ZNF337: variants seen among roughly 807,000 people sequenced by gnomAD.
ZNF337 encodes the protein zinc finger protein 337.
A neutral mutation model predicts 12.1 loss-of-function variants in ZNF337; 8 were observed. The ratio of observed to expected loss-of-function variants is 0.66; its 90% CI spans 0.39 to 1.19. The LOEUF (loss-of-function observed/expected upper bound fraction) is 1.19. Ranked by LOEUF, ZNF337 falls within the 50% of genes most tolerant of loss-of-function variation. The probability of loss-of-function intolerance (pLI) is 0.01; values close to 1 mark genes in which losing one functional copy is unlikely to be tolerated. For missense variants in ZNF337, 882 were observed against 896.6 expected (o/e 0.98, Z 0.21); for synonymous variants, 336 against 320.0 (o/e 1.05, Z -0.53).
chr20:25,692,398 G>C (rs1165862945), intron 1 of ZNF337, among the ~76,000 whole-genome samples: 1 of 152,136 alleles, frequency 6.6e-6, no homozygotes, highest in Non-Finnish European at 1.5e-5. Flanking sequence ...TAAATTTACA[G>C]ATAAAATGGT....
At chr20:25,693,764 C>A (rs995646405) in intron 1 of ZNF337, among the ~76,000 whole-genome samples, 2 of 152,234 alleles carry the variant, frequency 1.3e-5, no homozygotes, top group Non-Finnish European at 2.9e-5. Flanking sequence ...AGAGAAGGCA[C>A]TGCAGGAAGG....
At chr20:25,681,465 C>A (rs941019963) in intron 4 of ZNF337, among the ~76,000 whole-genome samples, 3 of 152,074 alleles carry the variant, frequency 2.0e-5, no homozygotes, top group African/African-American at 7.2e-5. Context: ...CTGTATGAAC[C>A]TGCTTTTTTT....
Position 25,676,133 on chromosome 20 carries a change from A to G in ZNF337, c.1155T>C (p.Phe385=). The change falls in exon 5 of 5, where the codon TTT becomes TTC. Residue 385 remains phenylalanine, a synonymous_variant. Coordinates refer to ENST00000252979, the MANE Select transcript of ZNF337 (RefSeq NM_015655.4). ...PFACRQCKQS[F]SVKGSLLRHQ... ...GTCTGAGGAGACTTCCTTTCACGCTAAAACTTTGCTTACACTGCCTGCACG... is the reference window on the plus strand; with the variant it reads ...GTCTGAGGAGACTTCCTTTCACGCTGAAACTTTGCTTACACTGCCTGCACG... 2 of 1,612,996 alleles carry G rather than the reference A, an allele frequency of 1.2e-6. No homozygotes were observed. The highest frequency in any genetic ancestry group is 1.7e-5 in the Admixed American group (1 of 59,948).
At chr20:25,695,383 G>A (rs1357753222) in intron 1 of ZNF337, among the ~76,000 whole-genome samples, 2 of 152,126 alleles carry the variant, frequency 1.3e-5, no homozygotes, top group Non-Finnish European at 2.9e-5. Flanking sequence ...TTTGATCTAC[G>A]CAATCCCCTT....
At position 25,676,586 on chromosome 20, in the gene ZNF337, C is replaced by T; in HGVS notation, c.702G>A (p.Lys234=). 5.0e-6 allele frequency: 8 copies of T among 1,614,172 alleles called. No homozygotes were observed. Among genetic ancestry groups the T allele is most frequent in the Middle Eastern group, 1.7e-4 (1 of 6,060 alleles). ...LLHQNTHTGE[K]SYVCSVCGRG... ...GCCCACACACACTGCACACATAGGA[C>T]TTCTCTCCTGTGTGTGTGTTCTGGT... Residue 234 remains lysine (K), a synonymous_variant, in exon 5 of 5, where the codon AAG becomes AAA. Coordinates refer to ENST00000252979, the MANE Select transcript of ZNF337 (RefSeq NM_015655.4).
intron 1 of ZNF337, among the ~76,000 whole-genome samples, chr20:25,694,177 C>T (rs548594159): frequency 2.6e-5 from 4 of 152,124 alleles, no homozygotes; most frequent in African/African-American, 7.2e-5. Flanking sequence ...CGGTTCCAGG[C>T]GTGGCACAAA....
chr20:25,689,581 G>A (rs150090396), intron 1 of ZNF337, among the ~76,000 whole-genome samples: 5 of 152,152 alleles, frequency 3.3e-5, no homozygotes, highest in Admixed American at 1.3e-4. Context: ...TCATTATACA[G>A]TTAAAAGCAG....
intron 4 of ZNF337, among the ~76,000 whole-genome samples, chr20:25,680,203 A>G (rs1370714560): frequency 6.6e-6 from 1 of 152,148 alleles, no homozygotes; most frequent in Non-Finnish European, 1.5e-5. Flanking sequence ...AGAAGAAATA[A>G]GTGTTTGATA....
intron 1 of ZNF337, among the ~76,000 whole-genome samples, chr20:25,694,851 C>A (rs2065907434): frequency 1.3e-5 from 2 of 152,198 alleles, no homozygotes; most frequent in Non-Finnish European, 2.9e-5. Flanking sequence ...AAGTGGCTGC[C>A]ACAGGGGCAA....
chr20:25,696,261 A>G (rs1311597830), intron 1 of ZNF337, among the ~76,000 whole-genome samples: 2 of 151,830 alleles, frequency 1.3e-5, no homozygotes, highest in Admixed American at 1.3e-4. Context: ...CTCCCACAAT[A>G]AAGTCTGGAG....
chr20:25,692,773 A>G (rs6050793), intron 1 of ZNF337, among the ~76,000 whole-genome samples: 23,688 of 152,146 alleles, frequency 0.16, 3,884 homozygotes, highest in African/African-American at 0.42. Flanking sequence ...TTAGTTACCA[A>G]TAAATTAGAT....
intron 1 of ZNF337, among the ~76,000 whole-genome samples, chr20:25,696,303 T>C (rs1355054618): frequency 6.6e-6 from 1 of 152,030 alleles, no homozygotes; most frequent in Non-Finnish European, 1.5e-5. Context: ...GAGTCGGACC[T>C]AGCCCATCCG....
At chr20:25,691,950 G>C (rs931467687) in intron 1 of ZNF337, among the ~76,000 whole-genome samples, 2 of 152,122 alleles carry the variant, frequency 1.3e-5, no homozygotes, top group African/African-American at 4.8e-5. Flanking sequence ...TTAGGTAAGT[G>C]GTGTGATCAT....
At chr20:25,684,685 C>T (rs6050787) in intron 4 of ZNF337, among the ~76,000 whole-genome samples, 24,122 of 152,136 alleles carry the variant, frequency 0.16, 4,059 homozygotes, top group African/African-American at 0.43. Context: ...GGTATGTTTA[C>T]TGCAGCACTT....
At chr20:25,679,038 A>G (rs1022200625) in intron 4 of ZNF337, among the ~76,000 whole-genome samples, 2 of 152,254 alleles carry the variant, frequency 1.3e-5, no homozygotes, top group Non-Finnish European at 2.9e-5. Context: ...CTGATTTTTG[A>G]CAAAGGCACT....
intron 4 of ZNF337, among the ~76,000 whole-genome samples, chr20:25,679,601 C>G (rs1371443710): frequency 6.6e-6 from 1 of 151,964 alleles, no homozygotes; most frequent in Non-Finnish European, 1.5e-5. Context: ...ATGCAAATCA[C>G]ACTGAGAGAT....
At chr20:25,694,184 C>G (rs189826575) in intron 1 of ZNF337, among the ~76,000 whole-genome samples, 137 of 152,214 alleles carry the variant, frequency 9.0e-4, no homozygotes, top group African/African-American at 2.9e-3. Flanking sequence ...AGGCGTGGCA[C>G]AAATTTTTCT....
In ZNF337 at chr20:25,685,604, C is replaced by T. The variant is rs759473859; in HGVS notation, c.213G>A (p.Trp71Ter). 5 of 1,614,208 alleles carry T rather than the reference C, an allele frequency of 3.1e-6. No homozygotes were observed. Among genetic ancestry groups the T allele is most frequent in the Non-Finnish European group, 4.2e-6 (5 of 1,180,020 alleles). Reference sequence around the variant, plus strand: ...CTGGCCGGCGTCTTCTCTCTTCTCCCCAGGGCACTTCCCCTTGCTCTAGCC... The same window carrying T: ...CTGGCCGGCGTCTTCTCTCTTCTCCTCAGGGCACTTCCCCTTGCTCTAGCC... ...IRRLEQGEVPWGEERRRRPGP... is the reference protein window; with the variant it reads ...IRRLEQGEVP The change falls in exon 4 of 5, where the codon TGG becomes TGA. Residue 71 changes from tryptophan to a stop codon, truncating the protein, a stop_gained. Transcript: ENST00000252979. LOFTEE classifies it low-confidence loss of function (END_TRUNC).
intron 3 of ZNF337, 108 bp from the exon 4 acceptor site, chr20:25,685,770 C>G (rs1437571690): frequency 8.3e-7 from 1 of 1,198,880 alleles, no homozygotes; most frequent in Non-Finnish European, 1.2e-6. Flanking sequence ...AGGGGGAAGG[C>G]TCAGGAGGAC....
Sources: gnomAD v4.1 joint callset for allele counts (sites outside exome capture counted in the v4.1 genomes callset) on GRCh38, gnomAD v4.1.1 for gene constraint, MANE v1.5 for transcripts, NCBI Gene and HGNC (gene_info 2026-07-23, HGNC 2026-07-21) for gene names.